The following UGT1A6 variants were observed in gnomAD, a reference collection of about 807,000 sequenced individuals.
UGT1A6 encodes the protein UDP glucuronosyltransferase family 1 member A6.
A neutral mutation model predicts 44.4 loss-of-function variants in UGT1A6; 32 were observed. The observed-to-expected ratio is 0.72, with a 90% CI of 0.54 to 0.97. The LOEUF is 0.97. Ranked by LOEUF, UGT1A6 falls within the 50% of genes least tolerant of loss-of-function variation. The probability of loss-of-function intolerance (pLI) is 0.00; values close to 1 mark genes in which losing one functional copy is unlikely to be tolerated. For missense variants in UGT1A6, 685 were observed against 661.9 expected (o/e 1.03, Z -0.38); for synonymous variants, 238 against 248.5 (o/e 0.96, Z 0.40).
chr2:233,736,619 C>G (rs1245621807), intron 1 of UGT1A6, among the ~76,000 whole-genome samples: 1 of 152,186 alleles, frequency 6.6e-6, no homozygotes, highest in Non-Finnish European at 1.5e-5. Flanking sequence ...GAATTTTCAG[C>G]TTTTCTGCTC....
rs115840798 is a variant in UGT1A6 at position 233,736,595 on chromosome 2, C to T, written c.862-30439C>T. Among the ~76,000 whole-genome samples, 665 of 152,242 alleles carry T rather than the reference C, an allele frequency of 4.4e-3. 8 individuals are homozygous for T. The highest frequency in any genetic ancestry group is 0.015 in the African/African-American group (625 of 41,542). ...ATCCTTTGGAGGAGATGTGCTTATG[C>T]GCTATGGTTTTTAGAATTTTCAGCT... is the stretch of plus-strand genomic sequence containing the variant. On this transcript the variant is annotated intron_variant, in intron 1 of 4. Transcript: ENST00000305139.
intron 1 of UGT1A6, among the ~76,000 whole-genome samples, chr2:233,710,986 G>T (rs2076156562): frequency 6.6e-6 from 1 of 152,224 alleles, no homozygotes; most frequent in Non-Finnish European, 1.5e-5. Flanking sequence ...CAATCATTCA[G>T]ATCAGGCTAT....
At chr2:233,713,154 G>A in intron 1 of UGT1A6, 1 of 1,614,234 alleles carries the variant, frequency 6.2e-7, no homozygotes, top group Non-Finnish European at 8.5e-7. Flanking sequence ...CCATGCGAGA[G>A]GCCACCAGGT....
chr2:233,743,215 C>T (rs1225035803), intron 1 of UGT1A6: 38 of 407,424 alleles, frequency 9.3e-5, no homozygotes, highest in Non-Finnish European at 1.6e-4. Context: ...GGAGTAACTG[C>T]TCTTTGCTAT....
intron 1 of UGT1A6, among the ~76,000 whole-genome samples, chr2:233,732,141 T>G (rs532123817): frequency 9.3e-4 from 141 of 151,992 alleles, no homozygotes; most frequent in African/African-American, 3.3e-3. Flanking sequence ...TGTTTGTTTG[T>G]TTTTTTTCTT....
At chr2:233,749,106 G>A (rs2125896769) in intron 1 of UGT1A6, among the ~76,000 whole-genome samples, 1 of 151,816 alleles carries the variant, frequency 6.6e-6, no homozygotes, top group Admixed American at 6.5e-5. Context: ...AGAGAATTCA[G>A]CCTTTTTATG....
chr2:233,747,974 G>T lies in UGT1A6; in HGVS notation c.862-19060G>T, dbSNP rs1693825544. On this transcript the variant is annotated intron_variant, in intron 1 of 4. Coordinates refer to ENST00000305139, the MANE Select transcript of UGT1A6 (RefSeq NM_001072.4). ...TGGATCTTCTCAGCCATGCATCTGT[G>T]TGGCTGTTCCGAGGGGACTTTGTGA... 4 of 1,613,452 alleles carry T rather than the reference G, an allele frequency of 2.5e-6. No homozygotes were observed. The South Asian group carries it at 4.4e-5, about 18-fold the overall frequency.
At chr2:233,702,172 T>C (rs2075673441) in intron 1 of UGT1A6, among the ~76,000 whole-genome samples, 1 of 152,210 alleles carries the variant, frequency 6.6e-6, no homozygotes, top group Non-Finnish European at 1.5e-5. Context: ...TCACTCTTCT[T>C]TCTCTCCTTC....
intron 1 of UGT1A6, among the ~76,000 whole-genome samples, chr2:233,728,932 CTTTT>C (rs1221733039): frequency 0.032 from 4,912 of 152,202 alleles, 256 homozygotes; most frequent in African/African-American, 0.11. Context: ...CATGATCGGT[CTTTT>C]CCAGGGTGGG....
intron 1 of UGT1A6, among the ~76,000 whole-genome samples, chr2:233,724,578 C>T (rs1404328313): frequency 0.029 from 3,589 of 123,690 alleles, 110 homozygotes; most frequent in African/African-American, 0.043. Context: ...GGGGCAGAGG[C>T]GCTCCCCACA....
chr2:233,768,263 T>C lies in UGT1A6; in HGVS notation c.1125T>C (p.His375=), dbSNP rs1699595501. The C allele has an allele frequency of 2.5e-6, 4 of 1,614,154 alleles. No individual in the cohort carries two copies. Among genetic ancestry groups the C allele is most frequent in the Non-Finnish European group, 3.4e-6 (4 of 1,180,014 alleles). ...CCTTTATCACCCATGCTGGTTCCCA[T>C]GGTGTTTATGAAAGCATATGCAATG... The part of the protein sequence containing the change: ...TRAFITHAGS[H]GVYESICNGV... Residue 375 remains histidine (H), a synonymous_variant, in exon 4 of 5, where the codon CAT becomes CAC. Coordinates refer to ENST00000305139, the MANE Select transcript of UGT1A6 (RefSeq NM_001072.4).
intron 1 of UGT1A6, chr2:233,713,396 G>C: frequency 6.2e-7 from 1 of 1,614,032 alleles, no homozygotes; most frequent in East Asian, 2.2e-5. Context: ...TGCATAATGA[G>C]GCCCTGATCA....
chr2:233,726,552 G>A (rs2125720134), intron 1 of UGT1A6, among the ~76,000 whole-genome samples: 1 of 152,244 alleles, frequency 6.6e-6, no homozygotes, highest in African/African-American at 2.4e-5. Context: ...GCGTCTTCAA[G>A]TCTCCCACTC....
intron 1 of UGT1A6, among the ~76,000 whole-genome samples, chr2:233,723,507 G>A (rs1209315085): frequency 7.7e-6 from 1 of 130,328 alleles, no homozygotes; most frequent in African/African-American, 3.2e-5. Flanking sequence ...ACTGCACCTG[G>A]TCAACAATCT....
chr2:233,694,741 T>C (rs1294655016), intron 1 of UGT1A6, among the ~76,000 whole-genome samples: 3 of 152,224 alleles, frequency 2.0e-5, no homozygotes, highest in Admixed American at 6.5e-5. Flanking sequence ...ATTTGAACAG[T>C]TGGCAGTAGC....
At chr2:233,746,657 G>T (rs4663333) in intron 1 of UGT1A6, among the ~76,000 whole-genome samples, 82,861 of 151,208 alleles carry the variant, frequency 0.55, 24,907 homozygotes, top group African/African-American at 0.8. Flanking sequence ...TTTCTGTCCC[G>T]AGTTCCTAGC....
intron 3 of UGT1A6, 137 bp downstream of exon 3, chr2:233,768,073 G>T: frequency 6.3e-7 from 1 of 1,593,970 alleles, no homozygotes; most frequent in Non-Finnish European, 8.6e-7. Context: ...TATCTAGTGG[G>T]GTATCTCAAC....
intron 1 of UGT1A6, among the ~76,000 whole-genome samples, chr2:233,707,503 C>T (rs2075965043): frequency 6.7e-6 from 1 of 148,792 alleles, no homozygotes; most frequent in Non-Finnish European, 1.5e-5. Flanking sequence ...CGGTACTTAA[C>T]ATAAATAGAA....
intron 1 of UGT1A6, among the ~76,000 whole-genome samples, chr2:233,710,671 T>C (rs1171384560): frequency 1.3e-5 from 2 of 152,206 alleles, no homozygotes; most frequent in African/African-American, 2.4e-5. Flanking sequence ...TGTCAGATAG[T>C]TGTGTTTCTG....
Sources: allele counts gnomAD v4.1 joint callset (sites outside exome capture counted in the v4.1 genomes callset), GRCh38; gene constraint gnomAD v4.1.1; transcripts MANE v1.5; gene names NCBI Gene and HGNC (gene_info 2026-07-23, HGNC 2026-07-21).